Variants in KLHL14 observed in about 807,000 individuals in gnomAD.
KLHL14 encodes the protein kelch like family member 14.
KLHL14 carries 22 observed loss-of-function variants against 64.3 expected under a neutral mutation model. That is an observed-to-expected ratio of 0.34 (90% CI 0.24 to 0.49). KLHL14 has a LOEUF of 0.49. KLHL14 is among the 20% of genes least tolerant of loss of function. The pLI is 0.99. For missense variants in KLHL14, 661 were observed against 789.0 expected (o/e 0.84, Z 1.94); for synonymous variants, 322 against 333.4 (o/e 0.97, Z 0.37).
intron 3 of KLHL14, among the ~76,000 whole-genome samples, chr18:32,715,688 G>A (rs988336421): frequency 6.6e-6 from 1 of 152,080 alleles, no homozygotes; most frequent in African/African-American, 2.4e-5. Context: ...TTAAATACGG[G>A]TGATCTTTTT....
At chr18:32,738,208 A>G (rs985378671) in intron 3 of KLHL14, 4 of 152,156 alleles carry the variant, frequency 2.6e-5, no homozygotes, top group South Asian at 2.1e-4. Context: ...TGGACTTCAT[A>G]AAAACTTTGA....
At chr18:32,711,951 T>C (rs1246831041) in intron 3 of KLHL14, among the ~76,000 whole-genome samples, 1 of 152,258 alleles carries the variant, frequency 6.6e-6, no homozygotes, top group Non-Finnish European at 1.5e-5. Context: ...CATTTTACAT[T>C]CATGTTATTG....
At chr18:32,699,936 T>C (rs2049956300) in intron 3 of KLHL14, among the ~76,000 whole-genome samples, 1 of 151,974 alleles carries the variant, frequency 6.6e-6, no homozygotes, top group South Asian at 2.1e-4. Context: ...GATTTTTTTT[T>C]TTTTTTAAAC....
intron 3 of KLHL14, among the ~76,000 whole-genome samples, chr18:32,701,360 C>T (rs1289767199): frequency 2.0e-5 from 3 of 152,108 alleles, no homozygotes; most frequent in Non-Finnish European, 4.4e-5. Context: ...AAGAGAAATA[C>T]AATGGGATGA....
chr18:32,720,975 T>C (rs2050076489), intron 3 of KLHL14, among the ~76,000 whole-genome samples: 1 of 152,246 alleles, frequency 6.6e-6, no homozygotes, highest in Admixed American at 6.5e-5. Context: ...CACATGTATT[T>C]TAAGATCATC....
chr18:32,731,535 A>AC (rs2050137073), intron 3 of KLHL14, among the ~76,000 whole-genome samples: 1 of 152,166 alleles, frequency 6.6e-6, no homozygotes, highest in Non-Finnish European at 1.5e-5. Context: ...GCTATTGGGT[A>AC]CTGAGCTTAA....
chr18:32,725,999 T>C (rs142804854), intron 3 of KLHL14, among the ~76,000 whole-genome samples: 326 of 152,372 alleles, frequency 2.1e-3, no homozygotes, highest in Non-Finnish European at 3.3e-3. Flanking sequence ...GTCAGTCTAA[T>C]AAATAAGAGT....
intron 2 of KLHL14, among the ~76,000 whole-genome samples, chr18:32,752,353 A>C (rs1039313072): frequency 6.6e-6 from 1 of 152,132 alleles, no homozygotes; most frequent in Non-Finnish European, 1.5e-5. Context: ...GTATTTCTGA[A>C]CCACAGGGTG....
chr18:32,723,066 G>A (rs1054134007), intron 3 of KLHL14, among the ~76,000 whole-genome samples: 1 of 152,118 alleles, frequency 6.6e-6, no homozygotes, highest in Non-Finnish European at 1.5e-5. Flanking sequence ...GGACAGGCTT[G>A]TGCAGTGGAA....
chr18:32,732,244 G>C (rs1420773153), intron 3 of KLHL14, among the ~76,000 whole-genome samples: 1 of 152,212 alleles, frequency 6.6e-6, no homozygotes, highest in Non-Finnish European at 1.5e-5. Context: ...AAAGAAAAAA[G>C]AAATGGTTTT....
At chr18:32,714,812 C>T (rs1165487117) in intron 3 of KLHL14, among the ~76,000 whole-genome samples, 1 of 151,760 alleles carries the variant, frequency 6.6e-6, no homozygotes, top group African/African-American at 2.4e-5. Context: ...GACTCCAAGG[C>T]CAACAAAAAC....
chr18:32,703,238 A>G (rs997703816), intron 3 of KLHL14, among the ~76,000 whole-genome samples: 5 of 152,254 alleles, frequency 3.3e-5, no homozygotes, highest in African/African-American at 1.2e-4. Context: ...GCATTTAGGC[A>G]TAACATAGTA....
At chr18:32,726,102 G>A (rs905877597) in intron 3 of KLHL14, among the ~76,000 whole-genome samples, 1 of 152,190 alleles carries the variant, frequency 6.6e-6, no homozygotes, top group Non-Finnish European at 1.5e-5. Flanking sequence ...TAGCAAATAC[G>A]GCCTGTTGGC....
intron 4 of KLHL14, among the ~76,000 whole-genome samples, chr18:32,694,918 A>T (rs1323654486): frequency 6.6e-6 from 1 of 152,176 alleles, no homozygotes. Context: ...TAAGTTTATG[A>T]TGTAATCACA....
intron 2 of KLHL14, chr18:32,743,722 C>G (rs2050210582): frequency 6.6e-6 from 1 of 152,180 alleles, no homozygotes; most frequent in Admixed American, 6.5e-5. Flanking sequence ...AGCCCCCATA[C>G]TTGGAGGATT....
At chr18:32,715,754 C>T (rs147933635) in intron 3 of KLHL14, among the ~76,000 whole-genome samples, 1,858 of 152,196 alleles carry the variant, frequency 0.012, 29 homozygotes, top group Non-Finnish European at 0.015. Context: ...TAACCTAGAT[C>T]CTTTATGAAT....
At chr18:32,754,253 A>G (rs1568083307) in intron 2 of KLHL14, among the ~76,000 whole-genome samples, 1 of 152,126 alleles carries the variant, frequency 6.6e-6, no homozygotes, top group Non-Finnish European at 1.5e-5. Flanking sequence ...ATAAAGCCCA[A>G]TTATTAGACT....
At chr18:32,713,539 A>C (rs879593462) in intron 3 of KLHL14, among the ~76,000 whole-genome samples, 3 of 152,200 alleles carry the variant, frequency 2.0e-5, no homozygotes, top group Non-Finnish European at 2.9e-5. Context: ...GAATCCCTTG[A>C]GCCCAGGAGT....
intron 2 of KLHL14, among the ~76,000 whole-genome samples, chr18:32,746,651 C>T (rs2050225316): frequency 6.6e-6 from 1 of 152,208 alleles, no homozygotes; most frequent in African/African-American, 2.4e-5. Context: ...TAGAAATCAG[C>T]TGATATGCTG....
Sources: allele counts gnomAD v4.1 joint callset (sites outside exome capture counted in the v4.1 genomes callset), GRCh38; gene constraint gnomAD v4.1.1; transcripts MANE v1.5; gene names NCBI Gene and HGNC (gene_info 2026-07-23, HGNC 2026-07-21).